Variants in SIN3A observed in about 807,000 individuals in gnomAD.
SIN3A encodes SIN3 transcription regulator family member A, also known as paired amphipathic helix protein Sin3a.
A neutral mutation model predicts 146.1 loss-of-function variants in SIN3A; 14 were observed. That is an observed-to-expected ratio of 0.10 (90% CI 0.06 to 0.15). The LOEUF is 0.15. SIN3A is among the 10% of genes least tolerant of loss of function. The pLI is 1.00. For synonymous variants in SIN3A, 572 were observed against 572.0 expected (o/e 1.00, Z 0.00); for missense variants, 1,028 against 1,576.0 (o/e 0.65, Z 5.89).
rs1457901068 is a variant in SIN3A at position 75,411,722 on chromosome 15, T to G, written c.778A>C (p.Thr260Pro). ...VSKPSQLQAHTPASQQTPPLP... is the reference protein window; with the variant it reads ...VSKPSQLQAHPPASQQTPPLP... ...GGGGGAGTCTGCTGACTGGCCGGAG[T>G]ATGTGCTTGCAGTTGGGAGGGCTAG... Residue 260 changes from threonine (T) to proline (P), a missense_variant, in exon 6 of 21, where the codon ACT (threonine) becomes CCT (proline). Thr to Pro is a conservative substitution (Grantham distance 38). This residue lies in a region of SIN3A where 112 missense variants were observed against 135.7 expected (regional missense o/e 0.83). Coordinates refer to ENST00000394947, the MANE Select transcript of SIN3A (RefSeq NM_001145358.2). 6.2e-7 allele frequency: 1 copy of G among 1,605,680 alleles called. No individual in the cohort carries two copies. Among genetic ancestry groups the G allele is most frequent in the Non-Finnish European group, 8.5e-7 (1 of 1,174,398 alleles).
chr15:75,433,733 C>T (rs961927976), intron 1 of SIN3A, among the ~76,000 whole-genome samples: 3 of 152,096 alleles, frequency 2.0e-5, no homozygotes, highest in East Asian at 1.9e-4. Flanking sequence ...TGGCGTGGAC[C>T]GGGAGGCAGA....
chr15:75,455,315 C>T (rs1342602202), upstream of SIN3A, among the ~76,000 whole-genome samples: 2 of 152,188 alleles, frequency 1.3e-5, no homozygotes, highest in East Asian at 3.8e-4. Flanking sequence ...CGAGCCGCCG[C>T]CCCCTGCCGA....
chr15:75,443,925 T>C (rs1384742103), intron 1 of SIN3A, among the ~76,000 whole-genome samples: 1 of 152,178 alleles, frequency 6.6e-6, no homozygotes, highest in African/African-American at 2.4e-5. Context: ...AACTGAAGTG[T>C]AAAACTAATG....
chr15:75,441,068 G>C (rs1249546691), intron 1 of SIN3A, among the ~76,000 whole-genome samples: 2 of 151,986 alleles, frequency 1.3e-5, no homozygotes, highest in Non-Finnish European at 2.9e-5. Flanking sequence ...AGTACTTTGG[G>C]AGGCCAAGTC....
At chr15:75,383,165 G>A (rs1462604479) in intron 17 of SIN3A, among the ~76,000 whole-genome samples, 2 of 151,596 alleles carry the variant, frequency 1.3e-5, no homozygotes, top group Admixed American at 1.3e-4. Flanking sequence ...CCAGCTACTA[G>A]GGTGGCTGAC....
intron 1 of SIN3A, among the ~76,000 whole-genome samples, chr15:75,450,502 A>G (rs1595936135): frequency 6.6e-6 from 1 of 152,118 alleles, no homozygotes; most frequent in African/African-American, 2.4e-5. Context: ...CCGCGGATCT[A>G]GGGTTCCAGC....
chr15:75,408,460 C>A (rs2073562640), intron 8 of SIN3A, among the ~76,000 whole-genome samples: 1 of 152,192 alleles, frequency 6.6e-6, no homozygotes, highest in South Asian at 2.1e-4. Flanking sequence ...TAGAAATTCC[C>A]AAACTTTTGT....
At chr15:75,380,958 A>G (rs752507981) in intron 18 of SIN3A, 10 of 389,446 alleles carry the variant, frequency 2.6e-5, no homozygotes, top group Non-Finnish European at 4.3e-5. Context: ...GAGAAGTCAT[A>G]AACAGGTAGA....
upstream of SIN3A, chr15:75,453,281 AG>A (rs1355399082): frequency 4.6e-5 from 7 of 152,376 alleles, no homozygotes; most frequent in Non-Finnish European, 1.0e-4. Context: ...GTGAACTCCA[AG>A]GGTAGCCGAC....
rs752253829 is a variant in SIN3A at position 75,371,630 on chromosome 15, G to A, written c.*349C>T. 20 of 237,916 alleles carry A rather than the reference G, an allele frequency of 8.4e-5. No homozygotes were observed. Among genetic ancestry groups the A allele is most frequent in the Non-Finnish European group, 1.5e-4 (18 of 123,414 alleles). 14.7% of individuals were successfully genotyped at this position (237,916 alleles called of 1,614,324 possible). A position where few individuals can be genotyped will look rare whatever the true frequency, so the allele number is the denominator to read the frequency against. ...TCCAGTCAAAGTGTGAACAGCATCC[G>A]GTTCCCTCATTGAAAGTTAGGCCAC... On this transcript the variant is annotated 3_prime_UTR_variant, in exon 21 of 21. Coordinates refer to ENST00000394947, the MANE Select transcript of SIN3A (RefSeq NM_001145358.2).
At chr15:75,401,009 T>C (rs998427437) in intron 10 of SIN3A, 69 bp from the exon 11 acceptor site, 21 of 1,071,934 alleles carry the variant, frequency 2.0e-5, no homozygotes, top group Non-Finnish European at 2.9e-5. Context: ...GTATGACTAC[T>C]ACCATCTGGT....
chr15:75,417,105 A>T (rs1357719575), intron 3 of SIN3A, among the ~76,000 whole-genome samples: 1 of 151,482 alleles, frequency 6.6e-6, no homozygotes, highest in Non-Finnish European at 1.5e-5. Context: ...CTGTTTTTGG[A>T]AAGTATCTTT....
intron 9 of SIN3A, 48 bp from the exon 10 acceptor site, chr15:75,402,018 G>C: frequency 4.7e-6 from 6 of 1,268,614 alleles, no homozygotes; most frequent in Non-Finnish European, 5.7e-6. Flanking sequence ...TTCTTAAAGT[G>C]GGGAACTGAA....
intron 3 of SIN3A, among the ~76,000 whole-genome samples, chr15:75,417,141 G>A (rs1311963912): frequency 6.6e-6 from 1 of 151,442 alleles, no homozygotes; most frequent in Non-Finnish European, 1.5e-5. Flanking sequence ...TTGGCTGGGG[G>A]AGAAAAAAAA....
intron 1 of SIN3A, among the ~76,000 whole-genome samples, chr15:75,441,407 A>G (rs941310351): frequency 9.2e-5 from 14 of 152,300 alleles, no homozygotes; most frequent in Non-Finnish European, 1.6e-4. Context: ...CTGGGCTCAA[A>G]CAATCCTCCC....
intron 2 of SIN3A, 124 bp from the exon 3 acceptor site, chr15:75,422,947 G>T: frequency 1.1e-6 from 1 of 929,968 alleles, no homozygotes; most frequent in Non-Finnish European, 1.6e-6. Flanking sequence ...TGCTGGGCGT[G>T]ATGGCTCACA....
In SIN3A at chr15:75,372,226, A is replaced by C; in HGVS notation, c.3592-17T>G. The C allele has an allele frequency of 2.0e-6, 3 of 1,525,494 alleles. No individual in the cohort carries two copies. Among genetic ancestry groups the C allele is most frequent in the Non-Finnish European group, 2.7e-6 (3 of 1,131,816 alleles). The allele number at this position is 1,525,494 out of a possible 1,614,324, so 94.5% of individuals were successfully genotyped here. On this transcript the variant is annotated splice_polypyrimidine_tract_variant and intron_variant, in intron 20 of 20. Transcript: ENST00000394947. ...CTCATGGGACTGCAAAACAGAAAAA[A>C]AAAATTTTATTAAATGAAGCAGAAC...
intron 5 of SIN3A, among the ~76,000 whole-genome samples, chr15:75,412,431 A>G (rs1165258302): frequency 6.6e-6 from 1 of 152,224 alleles, no homozygotes; most frequent in African/African-American, 2.4e-5. Flanking sequence ...CAGCAGCACA[A>G]TTTGACCAGG....
intron 14 of SIN3A, among the ~76,000 whole-genome samples, chr15:75,393,771 A>AC (rs1382733424): frequency 3.3e-5 from 5 of 151,984 alleles, no homozygotes; most frequent in Non-Finnish European, 7.4e-5. Context: ...ATGGAGGGTG[A>AC]CAAAGTAACA....
Sources: allele counts gnomAD v4.1 joint callset (sites outside exome capture counted in the v4.1 genomes callset), GRCh38; gene constraint gnomAD v4.1.1; regional missense constraint gnomAD v4.1.1; transcripts MANE v1.5; gene names NCBI Gene and HGNC (gene_info 2026-07-23, HGNC 2026-07-21).